Variants in CAMK1D observed in about 807,000 individuals in gnomAD.
CAMK1D encodes calcium/calmodulin dependent protein kinase ID.
In CAMK1D, 9 loss-of-function variants were observed where a neutral mutation model predicts 47.7. That is an observed-to-expected ratio of 0.19 (90% confidence interval 0.11 to 0.33). The LOEUF is 0.33. Ranked by LOEUF, CAMK1D falls within the 10% of genes least tolerant of loss-of-function variation. The pLI is 1.00. For synonymous variants in CAMK1D, 184 were observed against 184.9 expected, an observed-to-expected ratio of 0.99 and a Z score of 0.04; for missense variants, 291 against 488.7, an observed-to-expected ratio of 0.60 and a Z score of 3.81.
intron 3 of CAMK1D, among the ~76,000 whole-genome samples, chr10:12,716,398 C>T (rs557110367): frequency 1.2e-4 from 18 of 152,144 alleles, no homozygotes; most frequent in Non-Finnish European, 2.6e-4. Flanking sequence ...TCAGACCCTC[C>T]GGCTTTCTTG....
At chr10:12,691,273 C>A (rs911127353) in intron 3 of CAMK1D, among the ~76,000 whole-genome samples, 1 of 150,228 alleles carries the variant, frequency 6.7e-6, no homozygotes, top group African/African-American at 2.5e-5. Context: ...GTGTCGGTAT[C>A]AATTGGCACT....
rs537354307 is a variant in CAMK1D at position 12,802,339 on chromosome 10, G to A, written c.641+11106G>A. ...TGCATGGGAGCATAGCGCTGAAAAA[G>A]GCTTCTCCGTCCTGTTGGGATTTTC... On this transcript the variant is annotated intron_variant, in intron 6 of 10. Transcript: ENST00000619168. Among the ~76,000 whole-genome samples the A allele has an allele frequency of 1.4e-4, 22 of 152,192 alleles. No homozygotes were observed. In the South Asian group the frequency reaches 4.6e-3, roughly 32 times the overall value.
rs77672646 is a variant in CAMK1D at position 12,643,406 on chromosome 10, A to C, written c.225-23330A>C. On this transcript the variant is annotated intron_variant, in intron 2 of 10. Transcript: ENST00000619168. ...TGGGCTGTTAGGAGCAGGGCTGCAC[A>C]GCAGGAGACGAGCGGCAGGTGAGTG... 9.2e-5 allele frequency among the ~76,000 whole-genome samples: 14 copies of C among 152,304 alleles called. No individual in the cohort carries two copies. The East Asian group carries it at 2.7e-3, about 29-fold the overall frequency.
intron 1 of CAMK1D, among the ~76,000 whole-genome samples, chr10:12,544,370 A>G (rs952554175): frequency 6.6e-6 from 1 of 152,248 alleles, no homozygotes; most frequent in African/African-American, 2.4e-5. Context: ...TATGCATTTT[A>G]TAAAGTCCTT....
At position 12,547,647 on chromosome 10, in the gene CAMK1D, C is replaced by CCCCCCCG. The variant is rs1409042962; in HGVS notation, c.93-5576_93-5575insCCCCGCC. On this transcript the variant is annotated intron_variant, in intron 1 of 10. Transcript: ENST00000619168. Reference sequence around the variant, plus strand: ...TTTCCTGTCACGAGGACACCCCCCCCCCAACCCTGCACTCTCTCTCTCTCT... The same window carrying CCCCCCCG: ...TTTCCTGTCACGAGGACACCCCCCCCCCCCCCGCCAACCCTGCACTCTCTCTCTCTCT... 3.6e-4 allele frequency among the ~76,000 whole-genome samples: 41 copies of CCCCCCCG among 112,332 alleles called. 1 individual carries two copies. In the South Asian group the frequency reaches 4.4e-3, roughly 12 times the overall value. The allele number at this position is 112,332 out of a possible 152,430, so 73.7% of individuals were successfully genotyped here. A position where few individuals can be genotyped will look rare whatever the true frequency, so the allele number is the denominator to read the frequency against.
At chr10:12,726,435 A>G (rs1451148911) in intron 3 of CAMK1D, among the ~76,000 whole-genome samples, 2 of 152,068 alleles carry the variant, frequency 1.3e-5, no homozygotes, top group African/African-American at 2.4e-5. Flanking sequence ...AATAAAATAA[A>G]TAAGTAAAAA....
At chr10:12,629,429 T>C (rs1056884235) in intron 2 of CAMK1D, among the ~76,000 whole-genome samples, 4 of 152,202 alleles carry the variant, frequency 2.6e-5, no homozygotes, top group Non-Finnish European at 5.9e-5. Flanking sequence ...AAAAATATAA[T>C]GTGCATCCGG....
intron 2 of CAMK1D, among the ~76,000 whole-genome samples, chr10:12,595,055 G>A (rs1481435041): frequency 1.3e-5 from 2 of 152,066 alleles, no homozygotes; most frequent in Admixed American, 1.3e-4. Flanking sequence ...AGGTGATCTG[G>A]GGGAGACCAG....
chr10:12,661,640 G>C (rs1044421532), intron 2 of CAMK1D, among the ~76,000 whole-genome samples: 2 of 152,232 alleles, frequency 1.3e-5, no homozygotes, highest in Non-Finnish European at 2.9e-5. Flanking sequence ...ACTAGGTTTA[G>C]ATCTGTGACA....
intron 3 of CAMK1D, among the ~76,000 whole-genome samples, chr10:12,681,531 A>G (rs1413216505): frequency 1.3e-5 from 2 of 152,264 alleles, no homozygotes; most frequent in Non-Finnish European, 2.9e-5. Flanking sequence ...TGAAAACTGA[A>G]TGAAATGAAA....
chr10:12,503,149 T>C (rs1361012902), intron 1 of CAMK1D, among the ~76,000 whole-genome samples: 2 of 152,356 alleles, frequency 1.3e-5, no homozygotes, highest in East Asian at 3.9e-4. Context: ...CATAGGTGAA[T>C]ATATGCATGT....
chr10:12,532,500 C>T (rs985716179), intron 1 of CAMK1D, among the ~76,000 whole-genome samples: 2 of 152,246 alleles, frequency 1.3e-5, no homozygotes, highest in South Asian at 2.1e-4. Flanking sequence ...GGGATGGTCT[C>T]GATCTCCTGA....
intron 3 of CAMK1D, among the ~76,000 whole-genome samples, chr10:12,691,403 AAATATATATATATATATATTTTTTTTTTT>A (rs1832913538): frequency 4.2e-4 from 3 of 7,098 alleles, no homozygotes; most frequent in African/African-American, 1.5e-3. Context: ...ATATATATAT[AAATATATATATATATATATTTTTTTTTTT>A]TTTTTTTTTT....
intron 2 of CAMK1D, among the ~76,000 whole-genome samples, chr10:12,615,569 G>C (rs1447555783): frequency 5.2e-5 from 1 of 19,286 alleles, no homozygotes; most frequent in Non-Finnish European, 2.2e-4. Flanking sequence ...TGTATATCGT[G>C]TGTGTGCGTG....
intron 1 of CAMK1D, among the ~76,000 whole-genome samples, chr10:12,431,651 A>G (rs893725084): frequency 1.3e-5 from 2 of 152,292 alleles, no homozygotes; most frequent in African/African-American, 4.8e-5. Flanking sequence ...CTGTTACTCC[A>G]GGGCCAGAGC....
At chr10:12,666,880 G>A in intron 3 of CAMK1D, 70 bp downstream of exon 3, 2 of 1,283,562 alleles carry the variant, frequency 1.6e-6, no homozygotes, top group East Asian at 2.3e-5. Flanking sequence ...GGATCAGGTG[G>A]GAAAAGAAGT....
At position 12,705,354 on chromosome 10, in the gene CAMK1D, A is replaced by G. The variant is rs185215924; in HGVS notation, c.299+38544A>G. Among the ~76,000 whole-genome samples, 769 of 152,054 alleles carry G rather than the reference A, an allele frequency of 5.1e-3. 3 individuals are homozygous for G. Among genetic ancestry groups the G allele is most frequent in the Admixed American group, 0.01 (154 of 15,252 alleles). ...TGAACTCCTGTAATCCCAGCTACTC[A>G]GGAGGCTGAGGGAGGAGAATCACTT... On this transcript the variant is annotated intron_variant, in intron 3 of 10. Coordinates refer to ENST00000619168, the MANE Select transcript of CAMK1D (RefSeq NM_153498.4).
intron 1 of CAMK1D, among the ~76,000 whole-genome samples, chr10:12,402,333 A>C (rs1443406067): frequency 6.6e-6 from 1 of 151,866 alleles, no homozygotes; most frequent in African/African-American, 2.4e-5. Context: ...TCCCAGGCTC[A>C]ATTGATCCTC....
intron 5 of CAMK1D, among the ~76,000 whole-genome samples, chr10:12,780,982 A>C (rs1185405717): frequency 6.6e-6 from 1 of 152,088 alleles, no homozygotes; most frequent in African/African-American, 2.4e-5. Context: ...CGTGGACCTG[A>C]CTCATCGCAC....
Sources: gnomAD v4.1 joint callset for allele counts (sites outside exome capture counted in the v4.1 genomes callset) on GRCh38, gnomAD v4.1.1 for gene constraint, MANE v1.5 for transcripts, NCBI Gene and HGNC (gene_info 2026-07-23, HGNC 2026-07-21) for gene names.